Variants in HEPH observed in about 807,000 individuals in gnomAD.
HEPH encodes hephaestin.
A neutral mutation model predicts 80.8 loss-of-function variants in HEPH; 69 were observed. The observed-to-expected ratio is 0.85, with a 90% CI of 0.70 to 1.04. HEPH has a LOEUF of 1.04. HEPH is among the 50% of genes least tolerant of loss of function. The probability of loss-of-function intolerance (pLI) is 0.00; values close to 1 mark genes in which losing one functional copy is unlikely to be tolerated. For missense variants in HEPH, 1,115 were observed against 891.3 expected (o/e 1.25, Z -3.20); for synonymous variants, 431 against 322.8 (o/e 1.34, Z -3.60).
chrX:66,215,015 A>C (rs1487304759), intron 15 of HEPH, among the ~76,000 whole-genome samples: 1 of 111,610 alleles, frequency 9.0e-6, no homozygotes, highest in African/African-American at 3.2e-5. Context: ...AATACAGCTA[A>C]AATTTTGATT....
At chrX:66,230,182 A>T in intron 15 of HEPH, among the ~76,000 whole-genome samples, 1 of 85,100 alleles carries the variant, frequency 1.2e-5, no homozygotes, top group South Asian at 7.1e-4. Context: ...TCATTGTTGG[A>T]CATTTGGGTT....
Position 66,264,866 on chromosome X carries a change from T to G in HEPH, c.3244+1178T>G, listed in dbSNP as rs2091484568. ...TTAAATATTTTATATATTTTAAATA[T>G]TATATATATATTTGTGTTCACACAT... On this transcript the variant is annotated intron_variant, in intron 20 of 20. Coordinates refer to ENST00000343002, the MANE Select transcript of HEPH (RefSeq NM_001367233.3). 4.7e-5 allele frequency among the ~76,000 whole-genome samples: 5 copies of G among 106,484 alleles called. No individual in the cohort carries two copies. The South Asian group carries it at 1.9e-3, about 41-fold the overall frequency. The allele number at this position is 106,484 out of a possible 115,157, so 92.5% of individuals were successfully genotyped here.
intron 15 of HEPH, among the ~76,000 whole-genome samples, chrX:66,232,479 G>A (rs139555087): frequency 3.6e-5 from 4 of 111,395 alleles, no homozygotes; most frequent in African/African-American, 1.3e-4. Flanking sequence ...TGTAATATCT[G>A]CTTCAGAATG....
chrX:66,208,205 T>C lies in HEPH; in HGVS notation c.2522T>C (p.Val841Ala), dbSNP rs1170267390. The C allele has an allele frequency of 4.1e-6, 5 of 1,208,496 alleles. No homozygotes were observed. The highest frequency in any genetic ancestry group is 5.6e-6 in the Non-Finnish European group (5 of 893,599). Residue 841 changes from valine to alanine, a missense_variant, in exon 15 of 21, where the codon GTG becomes GCG. By Grantham distance (64) the Val-to-Ala change is moderately conservative. This residue lies in a region of HEPH where 716 missense variants were observed against 523.5 expected (regional missense o/e 1.37). Transcript: ENST00000343002. ...CCCTACTCTGTGCATGCTCATGGAGTGCTAGAATCTACTACTGTCTGGCCA... is the reference window on the plus strand; with the variant it reads ...CCCTACTCTGTGCATGCTCATGGAGCGCTAGAATCTACTACTGTCTGGCCA... ...SRPYSVHAHG[V>A]LESTTVWPLA... is the part of the protein sequence containing the mutation.
intron 15 of HEPH, among the ~76,000 whole-genome samples, chrX:66,208,516 G>A (rs1183545117): frequency 9.6e-6 from 1 of 104,145 alleles, no homozygotes; most frequent in Non-Finnish European, 2.0e-5. Flanking sequence ...CTACTCGGGA[G>A]GTTTAGGCAG....
At position 66,256,156 on chromosome X, in the gene HEPH, C is replaced by G. The variant is rs143166067; in HGVS notation, c.2722C>G (p.Leu908Val). 1.9e-4 allele frequency: 224 copies of G among 1,209,949 alleles called. 1 individual carries two copies. The East Asian group carries it at 6.6e-3, about 35-fold the overall frequency. Residue 908 changes from leucine (L) to valine (V), a missense_variant, in exon 17 of 21, where the codon CTG becomes GTG. Physicochemically the swap from Leu to Val is conservative, Grantham distance 32. This residue lies in a region of HEPH where 716 missense variants were observed against 523.5 expected (regional missense o/e 1.37). Coordinates refer to ENST00000343002, the MANE Select transcript of HEPH (RefSeq NM_001367233.3). ...GPLAICQKGI[L>V]EPHGGRSDMD... ...CTTGGCTATCTGCCAAAAGGGCATC[C>G]TGGAGCCCCATGGAGGACGGAGTGA...
chrX:66,177,749 C>CA (rs1258683468), intron 4 of HEPH, among the ~76,000 whole-genome samples: 1 of 110,709 alleles, frequency 9.0e-6, no homozygotes, highest in Non-Finnish European at 1.9e-5. Context: ...TATTTCCTTT[C>CA]ATCTCTAGGG....
At chrX:66,200,829 G>T (rs894300050) in intron 12 of HEPH, 77 bp downstream of exon 12, 2 of 808,680 alleles carry the variant, frequency 2.5e-6, no homozygotes, top group Non-Finnish European at 3.6e-6. Context: ...AGGGAGGGAT[G>T]GTGAAGAGAA....
At chrX:66,266,225 C>G in intron 20 of HEPH, among the ~76,000 whole-genome samples, 1 of 110,678 alleles carries the variant, frequency 9.0e-6, no homozygotes, top group East Asian at 2.8e-4. Flanking sequence ...GGACTGGGGC[C>G]TCAGTGATTC....
intron 15 of HEPH, among the ~76,000 whole-genome samples, chrX:66,254,696 G>A (rs2091113613): frequency 9.1e-6 from 1 of 109,890 alleles, no homozygotes; most frequent in Admixed American, 9.8e-5. Context: ...ACTGCATTTA[G>A]GATATAGCAG....
At chrX:66,249,060 A>G (rs566593986) in intron 15 of HEPH, among the ~76,000 whole-genome samples, 1 of 111,708 alleles carries the variant, frequency 9.0e-6, no homozygotes, top group Non-Finnish European at 1.9e-5. Context: ...GGGTAGAAAA[A>G]CAAACTTTTC....
chrX:66,180,199 T>C (rs1005467299), intron 4 of HEPH, among the ~76,000 whole-genome samples: 1 of 110,979 alleles, frequency 9.0e-6, no homozygotes, highest in Admixed American at 9.7e-5. Flanking sequence ...TCATAGATCC[T>C]GTGTGATTGA....
intron 15 of HEPH, among the ~76,000 whole-genome samples, chrX:66,246,261 A>G (rs760877492): frequency 8.9e-6 from 1 of 111,992 alleles, no homozygotes; most frequent in South Asian, 3.8e-4. Flanking sequence ...AGCAGGCATT[A>G]CCTGCCTGGC....
chrX:66,231,701 T>C (rs1272939137), intron 15 of HEPH, among the ~76,000 whole-genome samples: 6 of 109,487 alleles, frequency 5.5e-5, no homozygotes, highest in South Asian at 4.1e-4. Flanking sequence ...GTTTTCTAGA[T>C]ATACAATCAT....
At chrX:66,201,530 C>T (rs752857754) in intron 12 of HEPH, among the ~76,000 whole-genome samples, 1 of 111,399 alleles carries the variant, frequency 9.0e-6, no homozygotes, top group Admixed American at 9.6e-5. Context: ...CATAATAGAG[C>T]AGTTATCTTT....
At chrX:66,257,486 T>A (rs143786087) in intron 17 of HEPH, among the ~76,000 whole-genome samples, 3 of 112,220 alleles carry the variant, frequency 2.7e-5, no homozygotes, top group Non-Finnish European at 5.6e-5. Context: ...TAAGATCAAA[T>A]GTGAACCTTA....
chrX:66,223,901 T>C (rs1276886224), intron 15 of HEPH, among the ~76,000 whole-genome samples: 1 of 111,956 alleles, frequency 8.9e-6, no homozygotes, highest in Non-Finnish European at 1.9e-5. Context: ...CAACATTTCT[T>C]GCATAAATTC....
At chrX:66,214,437 C>T (rs779299021) in intron 15 of HEPH, among the ~76,000 whole-genome samples, 83 of 111,395 alleles carry the variant, frequency 7.5e-4, no homozygotes, top group African/African-American at 2.6e-3. Context: ...TATCTTTTCC[C>T]GATTTGTCAT....
chrX:66,259,529 G>C (rs949891385), intron 18 of HEPH, among the ~76,000 whole-genome samples: 1 of 111,671 alleles, frequency 9.0e-6, no homozygotes, highest in Non-Finnish European at 1.9e-5. Context: ...CTCATTCATA[G>C]GGGTCAAAGC....
Sources: allele counts gnomAD v4.1 joint callset (sites outside exome capture counted in the v4.1 genomes callset), GRCh38; gene constraint gnomAD v4.1.1; regional missense constraint gnomAD v4.1.1; transcripts MANE v1.5; gene names NCBI Gene and HGNC (gene_info 2026-07-23, HGNC 2026-07-21).